Variants in MIB1 observed in about 807,000 individuals in gnomAD.
MIB1 encodes MIB E3 ubiquitin protein ligase 1.
In MIB1, 278 loss-of-function variants were observed where a neutral mutation model predicts 124.5. The ratio of observed to expected loss-of-function variants is 2.23; its 90% confidence interval spans 2.02 to 2.47. The LOEUF (loss-of-function observed/expected upper bound fraction) is 2.47, where lower values mean the gene tolerates loss of function less well. Among genes scored for constraint, MIB1 ranks in the 30% most tolerant of loss-of-function variants. The probability of loss-of-function intolerance (pLI) is 0.00; values close to 1 mark genes in which losing one functional copy is unlikely to be tolerated. For synonymous variants in MIB1, 446 were observed against 429.4 expected (o/e 1.04, Z -0.48); for missense variants, 957 against 1,254.4 (o/e 0.76, Z 3.58).
chr18:21,770,480 T>A, intron 3 of MIB1, among the ~76,000 whole-genome samples: 1 of 152,128 alleles, frequency 6.6e-6, no homozygotes, highest in East Asian at 1.9e-4. Context: ...GTATTCTTCC[T>A]TTTTGTTTTT....
intron 4 of MIB1, among the ~76,000 whole-genome samples, chr18:21,776,394 T>TGCATGTGCATACCTGCAGGTGC (rs2041287469): frequency 6.6e-6 from 1 of 152,124 alleles, no homozygotes; most frequent in Non-Finnish European, 1.5e-5. Flanking sequence ...TGTGTGCACA[T>TGCATGTGCATACCTGCAGGTGC]GCATGTGCAT....
At chr18:21,844,286 T>A (rs754566513) in intron 15 of MIB1, 33 bp downstream of exon 15, 1 of 1,603,642 alleles carries the variant, frequency 6.2e-7, no homozygotes, top group Non-Finnish European at 8.5e-7. Context: ...TCAGTACCAG[T>A]GGAAGAATCT....
chr18:21,782,147 A>T (rs1273257867), intron 6 of MIB1, among the ~76,000 whole-genome samples: 2 of 151,898 alleles, frequency 1.3e-5, no homozygotes, highest in East Asian at 3.9e-4. Context: ...TTTGAGACGA[A>T]GTTTCGCTCT....
chr18:21,860,924 A>G (rs2042271119), intron 20 of MIB1, among the ~76,000 whole-genome samples: 1 of 152,106 alleles, frequency 6.6e-6, no homozygotes. Context: ...CTGGAGTCCT[A>G]CCTACTTGGG....
At chr18:21,794,521 G>A (rs1477251907) in intron 7 of MIB1, among the ~76,000 whole-genome samples, 1 of 151,360 alleles carries the variant, frequency 6.6e-6, no homozygotes, top group Non-Finnish European at 1.5e-5. Flanking sequence ...TAAATGAAAT[G>A]AAACAAATAT....
At chr18:21,813,854 G>A (rs568632286) in intron 10 of MIB1, among the ~76,000 whole-genome samples, 2 of 152,156 alleles carry the variant, frequency 1.3e-5, no homozygotes, top group East Asian at 1.9e-4. Context: ...CCACTGCTTT[G>A]GATGGAGGAA....
At chr18:21,844,393 G>C in intron 15 of MIB1, 140 bp downstream of exon 15, 2 of 801,512 alleles carry the variant, frequency 2.5e-6, no homozygotes, top group Non-Finnish European at 3.9e-6. Flanking sequence ...TATGAACTTA[G>C]TACTAGTCAG....
chr18:21,864,762 A>G lies in MIB1; in HGVS notation c.*96A>G, dbSNP rs1489759118. 2.3e-5 allele frequency: 21 copies of G among 908,134 alleles called. No individual in the cohort carries two copies. Among genetic ancestry groups the G allele is most frequent in the Non-Finnish European group, 3.3e-5 (20 of 607,344 alleles). The allele number at this position is 908,134 out of a possible 1,614,324, so 56.3% of individuals were successfully genotyped here. On this transcript the variant is annotated 3_prime_UTR_variant, in exon 21 of 21. Coordinates refer to ENST00000261537, the MANE Select transcript of MIB1 (RefSeq NM_020774.4). ...TGGAAGTTCTGATGAGTTAATTTCT[A>G]ATATCATAGTTTCTTTACTAGAGTA... is the stretch of plus-strand genomic sequence containing the variant.
chr18:21,806,360 T>C (rs564465655), intron 10 of MIB1, among the ~76,000 whole-genome samples: 4 of 151,988 alleles, frequency 2.6e-5, no homozygotes, highest in African/African-American at 9.7e-5. Context: ...GCCATCATGC[T>C]TGGCTAATTT....
intron 7 of MIB1, among the ~76,000 whole-genome samples, chr18:21,795,995 T>C (rs773727585): frequency 6.6e-6 from 1 of 152,172 alleles, no homozygotes; most frequent in Non-Finnish European, 1.5e-5. Flanking sequence ...AAAAACCCTG[T>C]AGTCTTGAAT....
At position 21,853,129 on chromosome 18, in the gene MIB1, T is replaced by G. The variant is rs185853264; in HGVS notation, c.2587-11T>G. ...TAAATGGTCACTGTGCTGTAACCTC[T>G]TTTTCTATAGATTGAAGAATGTGTG... On this transcript the variant is annotated splice_polypyrimidine_tract_variant and intron_variant, in intron 17 of 20. Transcript: ENST00000261537. 6.2e-7 allele frequency: 1 copy of G among 1,600,826 alleles called. No homozygotes were observed. The highest frequency in any genetic ancestry group is 2.2e-5 in the East Asian group (1 of 44,782).
chr18:21,778,182 A>C lies in MIB1; in HGVS notation c.703+13A>C, dbSNP rs1281040158. On this transcript the variant is annotated intron_variant, in intron 5 of 20. Transcript: ENST00000261537. Reference sequence around the variant, plus strand: ...TGCCCTGTGCTAGGTGAGTGAGAAGATTAGAGAGTATTACTAAATAATGGG... The same window carrying C: ...TGCCCTGTGCTAGGTGAGTGAGAAGCTTAGAGAGTATTACTAAATAATGGG... 6.5e-7 allele frequency: 1 copy of C among 1,532,924 alleles called. No individual in the cohort carries two copies. The highest frequency in any genetic ancestry group is 1.7e-5 in the Admixed American group (1 of 59,664). 95.0% of individuals were successfully genotyped at this position (1,532,924 alleles called of 1,614,324 possible).
chr18:21,779,768 C>G (rs772689878), intron 6 of MIB1, 83 bp downstream of exon 6: 5 of 1,048,566 alleles, frequency 4.8e-6, no homozygotes, highest in Non-Finnish European at 7.3e-6. Context: ...TAAAGTGATA[C>G]AACCAAATAC....
rs746418633 is a variant in MIB1 at position 21,741,544 on chromosome 18, G to GGCGGCGGCGGCA, written c.-32_-21dup. On this transcript the variant is annotated 5_prime_UTR_variant, in exon 1 of 21. Transcript: ENST00000261537. This position sits in a 1 kb window ranked among gnomAD's most constrained non-coding sequence, Gnocchi z 5.4. The stretch of plus-strand genomic sequence containing the variant: ...CGGGCCCCCCGGCGGCAGCGGCGGC[G>GGCGGCGGCGGCA]GCGGCGGCGGCAGCGGCGGAGCCCA... 9 of 1,303,614 alleles carry GGCGGCGGCGGCA rather than the reference G, an allele frequency of 6.9e-6. No homozygotes were observed. Among genetic ancestry groups the GGCGGCGGCGGCA allele is most frequent in the African/African-American group, 4.7e-5 (3 of 64,162 alleles). The allele number at this position is 1,303,614 out of a possible 1,614,324, so 80.8% of individuals were successfully genotyped here.
Position 21,733,715 on chromosome 18 carries a change from T to G in MIB1, n.167+28592T>G, listed in dbSNP as rs908227363. Among the ~76,000 whole-genome samples the G allele has an allele frequency of 2.0e-5, 3 of 152,190 alleles. No homozygotes were observed. In the South Asian group the frequency reaches 6.2e-4, roughly 32 times the overall value. On this transcript the variant is annotated intron_variant and non_coding_transcript_variant, in intron 1 of 20. Transcript: ENST00000578646. ...TCGTCCTTTCTTTTTTCTTTTTTCT[T>G]TTTTTTTGAGATGGAGTTTCGCTCT...
intron 1 of MIB1, among the ~76,000 whole-genome samples, chr18:21,725,597 G>A (rs1045097529): frequency 6.6e-6 from 1 of 152,162 alleles, no homozygotes; most frequent in Non-Finnish European, 1.5e-5. Flanking sequence ...TAAGGTAACT[G>A]GAGTCATTTG....
chr18:21,776,033 A>C (rs572761760), intron 4 of MIB1, among the ~76,000 whole-genome samples: 3 of 152,204 alleles, frequency 2.0e-5, no homozygotes, highest in Admixed American at 6.5e-5. Context: ...ATGGGAGGCT[A>C]AAGCAGGTAG....
At chr18:21,852,827 TA>T (rs1395576691) in intron 17 of MIB1, among the ~76,000 whole-genome samples, 4 of 152,302 alleles carry the variant, frequency 2.6e-5, no homozygotes, top group African/African-American at 9.6e-5. Context: ...CCCTCAAAAG[TA>T]GTTTTTGGGG....
At chr18:21,752,924 A>G (rs1455030067) in intron 1 of MIB1, among the ~76,000 whole-genome samples, 4 of 152,164 alleles carry the variant, frequency 2.6e-5, no homozygotes, top group Non-Finnish European at 5.9e-5. Context: ...GTAAAATATT[A>G]GCAGTTAAAA....
Sources: gnomAD v4.1 joint callset for allele counts (sites outside exome capture counted in the v4.1 genomes callset) on GRCh38, gnomAD v4.1.1 for gene constraint, Gnocchi (gnomAD v3.1) non-coding constraint, MANE v1.5 for transcripts, NCBI Gene and HGNC (gene_info 2026-07-23, HGNC 2026-07-21) for gene names.